Variants in GPHN observed in about 807,000 individuals in gnomAD.
GPHN encodes gephyrin.
In GPHN, 17 loss-of-function variants were observed where a neutral mutation model predicts 95.5. The ratio of observed to expected loss-of-function variants is 0.18; its 90% CI spans 0.12 to 0.27. The LOEUF is 0.27. GPHN is among the 10% of genes least tolerant of loss of function. GPHN has a pLI of 1.00. For missense variants in GPHN, 660 were observed against 978.1 expected (o/e 0.67, Z 4.34); for synonymous variants, 320 against 322.5 (o/e 0.99, Z 0.08).
intron 1 of GPHN, among the ~76,000 whole-genome samples, chr14:66,644,783 T>C (rs2064636080): frequency 6.6e-6 from 1 of 152,148 alleles, no homozygotes; most frequent in Non-Finnish European, 1.5e-5. Context: ...ATAAGGAGAT[T>C]TTCAAAGTTA....
the GPHN span, among the ~76,000 whole-genome samples, chr14:67,693,343 C>T: frequency 6.6e-6 from 1 of 152,202 alleles, no homozygotes. Flanking sequence ...TTGGTTTGAG[C>T]TCTCTAAGGC....
intron 9 of GPHN, among the ~76,000 whole-genome samples, chr14:67,016,935 A>G (rs1409190963): frequency 6.6e-6 from 1 of 152,128 alleles, no homozygotes; most frequent in Non-Finnish European, 1.5e-5. Flanking sequence ...TTTACTTACA[A>G]TAGTTTTCAC....
chr14:67,313,876 T>C, the GPHN span, among the ~76,000 whole-genome samples: 2 of 152,078 alleles, frequency 1.3e-5, no homozygotes, highest in Admixed American at 6.6e-5. Context: ...AACTTCTTGA[T>C]GTCAGAGGCC....
chr14:67,055,231 AT>A (rs200591780), intron 10 of GPHN, among the ~76,000 whole-genome samples: 1,835 of 152,252 alleles, frequency 0.012, 19 homozygotes, highest in Non-Finnish European at 0.018. Flanking sequence ...CAAGAAAAAA[AT>A]AACCCCATTT....
chr14:67,208,291 C>T, the GPHN span: 1 of 1,613,976 alleles, frequency 6.2e-7, no homozygotes, highest in Non-Finnish European at 8.5e-7. Context: ...ATGTCACCAT[C>T]TCAAACATAA....
chr14:67,433,956 C>T, the GPHN span, among the ~76,000 whole-genome samples: 67 of 152,226 alleles, frequency 4.4e-4, no homozygotes, highest in Admixed American at 1.2e-3. Flanking sequence ...ACAGGATGGA[C>T]GGATCTAAAT....
At chr14:67,700,191 T>A in the GPHN span, among the ~76,000 whole-genome samples, 5 of 151,584 alleles carry the variant, frequency 3.3e-5, no homozygotes, top group Non-Finnish European at 7.4e-5. Context: ...GAGTTATGAG[T>A]GTACACTATA....
the GPHN span, among the ~76,000 whole-genome samples, chr14:67,372,386 C>G: frequency 3.3e-4 from 50 of 152,252 alleles, no homozygotes; most frequent in African/African-American, 1.2e-3. Flanking sequence ...GCAAAGATTT[C>G]TTAGATAGCA....
chr14:67,361,376 T>C, the GPHN span, among the ~76,000 whole-genome samples: 1 of 152,234 alleles, frequency 6.6e-6, no homozygotes, highest in Non-Finnish European at 1.5e-5. Flanking sequence ...TGCCAAAAGA[T>C]GTAGTTGTCT....
At chr14:67,263,914 G>A in the GPHN span, among the ~76,000 whole-genome samples, 1 of 151,920 alleles carries the variant, frequency 6.6e-6, no homozygotes, top group Admixed American at 6.6e-5. Context: ...TTAGAGGTGG[G>A]GTCTCACTGT....
the GPHN span, among the ~76,000 whole-genome samples, chr14:67,248,243 A>G: frequency 6.6e-6 from 1 of 152,176 alleles, no homozygotes. Context: ...TTAAAAATGA[A>G]GGAGCAATGT....
the GPHN span, among the ~76,000 whole-genome samples, chr14:67,486,274 T>C: frequency 6.6e-6 from 1 of 152,012 alleles, no homozygotes; most frequent in Non-Finnish European, 1.5e-5. Flanking sequence ...ATCTGATGGG[T>C]TTTTGTTTTG....
the GPHN span, among the ~76,000 whole-genome samples, chr14:67,196,223 C>CTTTCTTTTT: frequency 4.5e-3 from 648 of 143,104 alleles, 7 homozygotes; most frequent in African/African-American, 0.016. Context: ...TTCTTTCTTT[C>CTTTCTTTTT]TTTTTTTTTT....
In GPHN at chr14:67,122,265, C is replaced by T. The variant is rs1595241225; in HGVS notation, c.1636C>T (p.Pro546Ser). 3 of 1,613,226 alleles carry T rather than the reference C, an allele frequency of 1.9e-6. No individual in the cohort carries two copies. The highest frequency in any genetic ancestry group is 2.7e-5 in the African/African-American group (2 of 74,806). ...TTTTTTGGCTTTGTAGCTGCTAAATCCTGAAGATGACCTCTTACCAGGGAA... is the reference window on the plus strand; with the variant it reads ...TTTTTTGGCTTTGTAGCTGCTAAATTCTGAAGATGACCTCTTACCAGGGAA... ...VMSTGNELLN[P>S]EDDLLPGKIR... is the part of the protein sequence containing the mutation. The change falls in exon 17 of 23, where the codon CCT (proline) becomes TCT (serine). Residue 546 changes from proline (P) to serine (S), a missense_variant. Around this residue, in one of 6 missense-constraint regions of GPHN, gnomAD observed 257 missense variants for 376.2 expected, o/e 0.68. Coordinates refer to ENST00000478722, the MANE Select transcript of GPHN (RefSeq NM_020806.5).
At position 66,704,917 on chromosome 14, in the gene GPHN, G is replaced by A. The variant is rs547611501; in HGVS notation, c.143+23732G>A. Among the ~76,000 whole-genome samples, 5 of 125,370 alleles carry A rather than the reference G, an allele frequency of 4.0e-5. 1 individual carries two copies. In the South Asian group the frequency reaches 1.3e-3, roughly 32 times the overall value. 82.2% of individuals were successfully genotyped at this position (125,370 alleles called of 152,430 possible). On this transcript the variant is annotated intron_variant, in intron 2 of 22. Coordinates refer to ENST00000478722, the MANE Select transcript of GPHN (RefSeq NM_020806.5). ...GATTAACACAGTAGATAGACTGCTA[G>A]CCAGACTAGTAAAGAAGAAAAGAGA...
At chr14:67,388,249 A>C in the GPHN span, 8 of 1,613,408 alleles carry the variant, frequency 5.0e-6, no homozygotes, top group Non-Finnish European at 5.9e-6. Flanking sequence ...TATCTTCCAG[A>C]GCAGACACGA....
chr14:67,556,111 CAAATT>C, the GPHN span, among the ~76,000 whole-genome samples: 5 of 152,174 alleles, frequency 3.3e-5, no homozygotes, highest in African/African-American at 1.2e-4. Flanking sequence ...GCTGTGGTAA[CAAATT>C]AAGTCTGAAG....
intron 1 of GPHN, among the ~76,000 whole-genome samples, chr14:66,626,037 A>C (rs1194500038): frequency 1.3e-5 from 2 of 152,154 alleles, no homozygotes; most frequent in Non-Finnish European, 2.9e-5. Flanking sequence ...TTCCTACCTG[A>C]ATGGTGTAAA....
At chr14:67,402,587 C>T in the GPHN span, among the ~76,000 whole-genome samples, 4 of 152,188 alleles carry the variant, frequency 2.6e-5, no homozygotes, top group Non-Finnish European at 4.4e-5. Context: ...CCTCACCCAC[C>T]CTTCCCAGCC....
Sources: allele counts gnomAD v4.1 joint callset (sites outside exome capture counted in the v4.1 genomes callset), GRCh38; gene constraint gnomAD v4.1.1; regional missense constraint gnomAD v4.1.1; transcripts MANE v1.5; gene names NCBI Gene and HGNC (gene_info 2026-07-23, HGNC 2026-07-21).